ANK1: variants seen among roughly 807,000 people sequenced by gnomAD.
ANK1 encodes the protein ankyrin-1.
Under a neutral mutation model 210.4 loss-of-function variants are expected in ANK1, and 51 were observed. The ratio of observed to expected loss-of-function variants is 0.24; its 90% CI spans 0.19 to 0.31. The LOEUF (loss-of-function observed/expected upper bound fraction) is 0.31. ANK1 is among the 10% of genes least tolerant of loss of function. The pLI, the probability that ANK1 is intolerant of heterozygous loss-of-function variation, is 1.00. For synonymous variants in ANK1, 967 were observed against 1,025.9 expected, an observed-to-expected ratio of 0.94 and a Z score of 1.10; for missense variants, 2,051 against 2,504.4, an observed-to-expected ratio of 0.82 and a Z score of 3.86.
intron 37 of ANK1, among the ~76,000 whole-genome samples, chr8:41,675,372 C>T (rs893926427): frequency 1.3e-5 from 2 of 152,236 alleles, no homozygotes; most frequent in African/African-American, 2.4e-5. Context: ...GCTGGGATTA[C>T]AGGGTTGAGT....
chr8:41,803,085 G>GGAAGGAAGGAAAGGAAAGGA, intron 1 of ANK1, among the ~76,000 whole-genome samples: 1 of 60,034 alleles, frequency 1.7e-5, no homozygotes, highest in Non-Finnish European at 3.1e-5. Context: ...GGAAGGAAGG[G>GGAAGGAAGGAAAGGAAAGGA]AAGGAAAGGA....
chr8:41,816,740 T>C (rs1803410791), intron 1 of ANK1, among the ~76,000 whole-genome samples: 1 of 152,224 alleles, frequency 6.6e-6, no homozygotes, highest in African/African-American at 2.4e-5. Context: ...AATAATATTC[T>C]TATTTACCAA....
At chr8:41,713,026 G>A (rs1826591328) in intron 16 of ANK1, among the ~76,000 whole-genome samples, 1 of 152,198 alleles carries the variant, frequency 6.6e-6, no homozygotes, top group South Asian at 2.1e-4. Context: ...GATGCTGCAA[G>A]ATGGGGACAC....
In ANK1 at chr8:41,847,433, C is replaced by T. The variant is rs189470670; in HGVS notation, c.126+48922G>A. Among the ~76,000 whole-genome samples, 4 of 152,266 alleles carry T rather than the reference C, an allele frequency of 2.6e-5. No homozygotes were observed. The East Asian group carries it at 5.8e-4, about 22-fold the overall frequency. ...TGACTGCAAAGGAGGCCGGGGAAAA[C>T]GGTCTTCACAGGGGACCAGGAGAGG... On this transcript the variant is annotated intron_variant, in intron 1 of 42. Coordinates refer to the ANK1 transcript ENST00000265709.
intron 1 of ANK1, among the ~76,000 whole-genome samples, chr8:41,759,247 C>T (rs1418740167): frequency 6.6e-6 from 1 of 152,216 alleles, no homozygotes; most frequent in Non-Finnish European, 1.5e-5. Flanking sequence ...GTGGCTCAAA[C>T]CTGTAATCCC....
At chr8:41,849,253 CACTT>C (rs1271471363) in intron 1 of ANK1, among the ~76,000 whole-genome samples, 1 of 152,258 alleles carries the variant, frequency 6.6e-6, no homozygotes, top group African/African-American at 2.4e-5. Context: ...TCTGAACTCA[CACTT>C]ACTGTCTGTA....
intron 42 of ANK1, among the ~76,000 whole-genome samples, chr8:41,659,662 T>C (rs1340708369): frequency 6.6e-6 from 1 of 152,086 alleles, no homozygotes; most frequent in Non-Finnish European, 1.5e-5. Context: ...CAGGAGCTTT[T>C]CTCCGCCTCT....
chr8:41,861,243 C>T (rs769529266), intron 1 of ANK1, among the ~76,000 whole-genome samples: 2 of 152,150 alleles, frequency 1.3e-5, no homozygotes, highest in Non-Finnish European at 2.9e-5. Flanking sequence ...GAGCATGTTT[C>T]CAGCATGCAA....
At chr8:41,715,502 G>C in intron 14 of ANK1, 150 bp downstream of exon 14, 1 of 978,942 alleles carries the variant, frequency 1.0e-6, no homozygotes, top group Non-Finnish European at 1.5e-6. Flanking sequence ...CGGCTTGCAG[G>C]TGGTGGCCAG....
intron 2 of ANK1, among the ~76,000 whole-genome samples, chr8:41,752,797 G>GAC (rs1274083393): frequency 2.0e-5 from 1 of 51,188 alleles, no homozygotes; most frequent in African/African-American, 4.3e-5. Context: ...GGCACACACA[G>GAC]GCCCCCCCCC....
chr8:41,801,694 C>T (rs1334641012), upstream of ANK1, among the ~76,000 whole-genome samples: 2 of 152,124 alleles, frequency 1.3e-5, no homozygotes, highest in African/African-American at 2.4e-5. Flanking sequence ...GCCCTTTGCC[C>T]ATTTTTCTGT....
Position 41,714,163 on chromosome 8 carries a change from G to T in ANK1, c.1793C>A (p.Pro598His). 5 of 1,410,836 alleles carry T rather than the reference G, an allele frequency of 3.5e-6. No homozygotes were observed. The highest frequency in any genetic ancestry group is 1.9e-5 in the South Asian group (1 of 53,072). The allele number at this position is 1,410,836 out of a possible 1,614,324, so 87.4% of individuals were successfully genotyped here. ...GAGAGGGGCGGGCCTTACCCAGGCAGGGCTGTGCGGGGAGCCGCCCCGGGG... is the reference window on the plus strand; with the variant it reads ...GAGAGGGGCGGGCCTTACCCAGGCATGGCTGTGCGGGGAGCCGCCCCGGGG... ...LLPRGGSPHS[P>H]AWNGYTPLHI... Residue 598 changes from proline (P) to histidine (H), a missense_variant, in exon 16 of 43, where the codon CCT (proline) becomes CAT (histidine). Pro to His is a moderately conservative substitution (Grantham distance 77). Around this residue, in one of 6 missense-constraint regions of ANK1, gnomAD observed 1,413 missense variants for 1,707.4 expected, o/e 0.83. Transcript: ENST00000289734.
At chr8:41,790,879 A>G (rs1188402257) in intron 1 of ANK1, among the ~76,000 whole-genome samples, 2 of 152,176 alleles carry the variant, frequency 1.3e-5, no homozygotes, top group Admixed American at 1.3e-4. Flanking sequence ...CGGGACTTAG[A>G]CATGTTAGAG....
At chr8:41,675,434 T>C (rs889108333) in intron 37 of ANK1, among the ~76,000 whole-genome samples, 5 of 152,166 alleles carry the variant, frequency 3.3e-5, no homozygotes, top group Non-Finnish European at 7.4e-5. Flanking sequence ...ATCTAACATG[T>C]TTTTAATTGC....
intron 1 of ANK1, among the ~76,000 whole-genome samples, chr8:41,866,325 G>T (rs1814448353): frequency 6.6e-6 from 1 of 152,200 alleles, no homozygotes; most frequent in African/African-American, 2.4e-5. Flanking sequence ...GGGTAGCTGA[G>T]ACCACAGGTG....
intron 1 of ANK1, among the ~76,000 whole-genome samples, chr8:41,810,239 A>G (rs570860883): frequency 2.0e-5 from 3 of 152,224 alleles, no homozygotes; most frequent in Non-Finnish European, 4.4e-5. Flanking sequence ...ATAGTTTGGC[A>G]TTTCCTAAAT....
At chr8:41,717,992 T>C (rs931629507) in intron 11 of ANK1, 114 bp downstream of exon 11, 8 of 1,021,386 alleles carry the variant, frequency 7.8e-6, no homozygotes, top group Non-Finnish European at 1.2e-5. Flanking sequence ...CAGTCCAGAC[T>C]TGCAGACACA....
chr8:41,863,123 C>A (rs967772178), intron 1 of ANK1, among the ~76,000 whole-genome samples: 1 of 152,098 alleles, frequency 6.6e-6, no homozygotes, highest in Non-Finnish European at 1.5e-5. Context: ...CTTTGGGAGG[C>A]GGAGGCAGGC....
chr8:41,675,352 C>T (rs935518703), intron 37 of ANK1, among the ~76,000 whole-genome samples: 1 of 152,206 alleles, frequency 6.6e-6, no homozygotes, highest in Non-Finnish European at 1.5e-5. Flanking sequence ...TTGCCTCAGC[C>T]TCCCAAAGTG....
Sources: allele counts gnomAD v4.1 joint callset (sites outside exome capture counted in the v4.1 genomes callset), GRCh38; gene constraint gnomAD v4.1.1; regional missense constraint gnomAD v4.1.1; transcripts MANE v1.5; gene names NCBI Gene and HGNC (gene_info 2026-07-23, HGNC 2026-07-21).